PDZRN4: variants seen among roughly 807,000 people sequenced by gnomAD.
PDZRN4 encodes the protein PDZ domain-containing RING finger protein 4.
A neutral mutation model predicts 99.0 loss-of-function variants in PDZRN4; 70 were observed. The observed-to-expected ratio is 0.71, with a 90% CI of 0.58 to 0.86. The LOEUF (loss-of-function observed/expected upper bound fraction) is 0.86. Among genes scored for constraint, PDZRN4 ranks in the 40% least tolerant of loss-of-function variants. PDZRN4 has a pLI of 0.00. For missense variants in PDZRN4, 1,474 were observed against 1,331.2 expected (o/e 1.11, Z -1.67); for synonymous variants, 551 against 501.6 (o/e 1.10, Z -1.32).
At chr12:41,383,091 G>T (rs1003749525) in intron 3 of PDZRN4, among the ~76,000 whole-genome samples, 1 of 152,166 alleles carries the variant, frequency 6.6e-6, no homozygotes, top group Non-Finnish European at 1.5e-5. Context: ...CCTCAGATAT[G>T]ACTGTTCAAC....
At chr12:41,402,060 C>T (rs1438549090) in intron 3 of PDZRN4, among the ~76,000 whole-genome samples, 9 of 131,754 alleles carry the variant, frequency 6.8e-5, no homozygotes, top group Admixed American at 6.7e-4. Context: ...TCCTCCCACC[C>T]CTGGAGCAGG....
intron 3 of PDZRN4, among the ~76,000 whole-genome samples, chr12:41,219,058 G>A (rs548627552): frequency 6.6e-6 from 1 of 150,592 alleles, no homozygotes; most frequent in South Asian, 2.1e-4. Context: ...ATAACGTAGA[G>A]ACTTAAGAGT....
intron 3 of PDZRN4, among the ~76,000 whole-genome samples, chr12:41,502,919 G>C (rs1315251686): frequency 6.6e-6 from 1 of 152,104 alleles, no homozygotes; most frequent in Non-Finnish European, 1.5e-5. Flanking sequence ...TTTTGCTGTT[G>C]TTAACAAACT....
intron 3 of PDZRN4, among the ~76,000 whole-genome samples, chr12:41,327,381 C>G (rs1951716589): frequency 6.6e-6 from 1 of 152,150 alleles, no homozygotes; most frequent in Admixed American, 6.6e-5. Flanking sequence ...AAATCTTTTC[C>G]CTCTGTACCT....
rs1000872677 is a variant in PDZRN4 at position 41,244,116 on chromosome 12, G to A, written c.843+49928G>A. Among the ~76,000 whole-genome samples the A allele has an allele frequency of 5.3e-5, 8 of 151,860 alleles. 1 individual carries two copies. Among genetic ancestry groups the A allele is most frequent in the East Asian group, 3.9e-4 (2 of 5,178 alleles). On this transcript the variant is annotated intron_variant, in intron 3 of 9. Transcript: ENST00000402685. ...CTAATAGACATCTCAAATTCCCCAC[G>A]TCTCAAACTTTTGATTTCCAATTCC...
intron 3 of PDZRN4, among the ~76,000 whole-genome samples, chr12:41,268,006 A>T (rs999337271): frequency 2.0e-5 from 3 of 152,194 alleles, no homozygotes; most frequent in African/African-American, 7.2e-5. Context: ...TCTACTCTGA[A>T]CTACTCTGAT....
rs73122805 is a variant in PDZRN4, at chr12:41,287,066, C to A, written c.843+92878C>A. Among the ~76,000 whole-genome samples the A allele has an allele frequency of 8.6e-3, 1,311 of 152,244 alleles. 9 individuals are homozygous for A. Among genetic ancestry groups the A allele is most frequent in the South Asian group, 0.032 (154 of 4,826 alleles). ...CGCAGAGGACCCCAGCCAGCAACAT[C>A]TTTTGATGTAGTGATGTGCAGAAAT... is the stretch of plus-strand genomic sequence containing the variant. On this transcript the variant is annotated intron_variant, in intron 3 of 9. Coordinates refer to ENST00000402685, the MANE Select transcript of PDZRN4 (RefSeq NM_001164595.2).
chr12:41,473,720 C>T (rs1024098630), intron 3 of PDZRN4, among the ~76,000 whole-genome samples: 8 of 152,174 alleles, frequency 5.3e-5, no homozygotes, highest in East Asian at 1.9e-4. Context: ...ACCCACTGCC[C>T]GCTATCTCCA....
chr12:41,197,735 A>G (rs1393331319), intron 3 of PDZRN4, among the ~76,000 whole-genome samples: 2 of 152,064 alleles, frequency 1.3e-5, no homozygotes, highest in Non-Finnish European at 2.9e-5. Context: ...AAAATCCCTG[A>G]TCCTATCGAA....
rs145356227 is a variant in PDZRN4 at position 41,432,862 on chromosome 12, G to A, written c.844-73594G>A. On this transcript the variant is annotated intron_variant, in intron 3 of 9. Coordinates refer to ENST00000402685, the MANE Select transcript of PDZRN4 (RefSeq NM_001164595.2). ...GGAGCACAGGTAGGGAGATGTAGACGTGTATAGAGCAGTTCAGCTTTGCTG... is the reference window on the plus strand; with the variant it reads ...GGAGCACAGGTAGGGAGATGTAGACATGTATAGAGCAGTTCAGCTTTGCTG... Among the ~76,000 whole-genome samples the A allele has an allele frequency of 1.5e-4, 23 of 152,302 alleles. No individual in the cohort carries two copies. The East Asian group carries it at 1.5e-3, about 10-fold the overall frequency.
At chr12:41,208,177 A>G (rs924583012) in intron 3 of PDZRN4, among the ~76,000 whole-genome samples, 3 of 152,026 alleles carry the variant, frequency 2.0e-5, no homozygotes, top group African/African-American at 7.2e-5. Flanking sequence ...GTTAAATCCC[A>G]GGATTCATAA....
intron 3 of PDZRN4, among the ~76,000 whole-genome samples, chr12:41,324,021 T>C (rs1295676088): frequency 1.3e-5 from 2 of 152,072 alleles, no homozygotes; most frequent in Non-Finnish European, 2.9e-5. Context: ...ACATTCATAG[T>C]CTTATAACTG....
chr12:41,322,539 G>A (rs1363744145), intron 3 of PDZRN4, among the ~76,000 whole-genome samples: 1 of 131,288 alleles, frequency 7.6e-6, no homozygotes, highest in Non-Finnish European at 1.5e-5. Context: ...CACCCAGGCT[G>A]GAGTTCAGTG....
chr12:41,545,395 A>G (rs1938927825), intron 5 of PDZRN4, among the ~76,000 whole-genome samples: 1 of 152,130 alleles, frequency 6.6e-6, no homozygotes, highest in Admixed American at 6.6e-5. Flanking sequence ...AAACACCAAG[A>G]CTAATTTTAT....
intron 3 of PDZRN4, among the ~76,000 whole-genome samples, chr12:41,444,020 TAC>T (rs2120477236): frequency 6.6e-6 from 1 of 152,182 alleles, no homozygotes; most frequent in East Asian, 1.9e-4. Context: ...CTGATATTGT[TAC>T]AGAGTAGGAA....
chr12:41,563,501 G>T, intron 7 of PDZRN4, 47 bp from the exon 8 acceptor site: 2 of 1,303,494 alleles, frequency 1.5e-6, no homozygotes, highest in Non-Finnish European at 2.2e-6. Flanking sequence ...ATTGTGTGCA[G>T]CATTGTGGAA....
chr12:41,568,175 G>C (rs1174058683), intron 9 of PDZRN4, among the ~76,000 whole-genome samples: 3 of 152,158 alleles, frequency 2.0e-5, no homozygotes, highest in Non-Finnish European at 4.4e-5. Context: ...CAAACTAATT[G>C]CAGAAATTTA....
chr12:41,448,725 C>T (rs545328497), intron 3 of PDZRN4, among the ~76,000 whole-genome samples: 9 of 152,156 alleles, frequency 5.9e-5, no homozygotes, highest in Admixed American at 2.6e-4. Flanking sequence ...TTCTTGATTT[C>T]GAAAATGCCA....
At chr12:41,353,853 C>T (rs747590644) in intron 3 of PDZRN4, among the ~76,000 whole-genome samples, 13 of 151,984 alleles carry the variant, frequency 8.6e-5, no homozygotes, top group Non-Finnish European at 1.6e-4. Context: ...ATAACAAGTG[C>T]AAGAGTTTAG....
Sources: gnomAD v4.1 joint callset for allele counts (sites outside exome capture counted in the v4.1 genomes callset) on GRCh38, gnomAD v4.1.1 for gene constraint, MANE v1.5 for transcripts, NCBI Gene and HGNC (gene_info 2026-07-23, HGNC 2026-07-21) for gene names.